Variants in PCDHA4 observed in about 807,000 individuals in gnomAD.
The protein encoded by PCDHA4 is protocadherin alpha-4.
A neutral mutation model predicts 61.4 loss-of-function variants in PCDHA4; 49 were observed. The ratio of observed to expected loss-of-function variants is 0.80; its 90% CI spans 0.63 to 1.01. The LOEUF (loss-of-function observed/expected upper bound fraction) is 1.01. PCDHA4 is among the 50% of genes least tolerant of loss of function. The pLI is 0.00. For synonymous variants in PCDHA4, 590 were observed against 550.3 expected (o/e 1.07, Z -1.01); for missense variants, 1,254 against 1,235.8 (o/e 1.01, Z -0.22).
At chr5:140,879,634 C>T (rs888836313) in intron 1 of PCDHA4, among the ~76,000 whole-genome samples, 2 of 152,306 alleles carry the variant, frequency 1.3e-5, no homozygotes, top group Admixed American at 1.3e-4. Context: ...GTAAGTGTGT[C>T]GCTTCCTGTG....
At chr5:140,909,094 T>C (rs1445563506) in intron 1 of PCDHA4, among the ~76,000 whole-genome samples, 1 of 152,196 alleles carries the variant, frequency 6.6e-6, no homozygotes, top group Admixed American at 6.5e-5. Context: ...TACTTCTCAC[T>C]CACTGGGTCC....
chr5:140,836,849 A>G, intron 1 of PCDHA4: 3 of 822,610 alleles, frequency 3.6e-6, no homozygotes, highest in Non-Finnish European at 3.7e-6. Context: ...ATGTATAATT[A>G]TTATTTTTTA....
At chr5:140,971,466 G>A (rs928383559) in intron 1 of PCDHA4, among the ~76,000 whole-genome samples, 2 of 152,144 alleles carry the variant, frequency 1.3e-5, no homozygotes, top group Non-Finnish European at 2.9e-5. Flanking sequence ...GCAGTTATAG[G>A]GAGAGAGTGT....
rs1262601662 is a variant in PCDHA4, at chr5:141,011,550, A to C, written c.*1613A>C. On this transcript the variant is annotated 3_prime_UTR_variant, in exon 4 of 4. Coordinates refer to ENST00000530339, the MANE Select transcript of PCDHA4 (RefSeq NM_018907.4). ...CATTGTTAATCAGCTTTTGTGTATG[A>C]AAGACACAGTAAAATTTCTTTCTTA... 6 of 153,770 alleles carry C rather than the reference A, an allele frequency of 3.9e-5. No homozygotes were observed. The highest frequency in any genetic ancestry group is 1.4e-4 in the African/African-American group (6 of 41,462). The allele number at this position is 153,770 out of a possible 1,614,324, so 9.5% of individuals were successfully genotyped here. A position where few individuals can be genotyped will look rare whatever the true frequency, so the allele number is the denominator to read the frequency against.
intron 1 of PCDHA4, chr5:140,882,691 C>G (rs201544181): frequency 1.2e-6 from 2 of 1,614,216 alleles, no homozygotes; most frequent in Admixed American, 1.7e-5. Context: ...AACGAATAAT[C>G]ATTGCAGAAT....
chr5:140,835,899 A>G (rs1554135420), intron 1 of PCDHA4: 1 of 1,612,086 alleles, frequency 6.2e-7, no homozygotes, highest in Non-Finnish European at 8.5e-7. Context: ...CGCGCTGTCG[A>G]GCTACGTGTC....
At chr5:140,876,662 T>C in intron 1 of PCDHA4, 1 of 1,614,232 alleles carries the variant, frequency 6.2e-7, no homozygotes, top group Non-Finnish European at 8.5e-7. Flanking sequence ...CCCTTCAAGC[T>C]GGTGTCCACC....
At chr5:140,967,518 A>T (rs1554229639) in intron 1 of PCDHA4, 1 of 1,612,930 alleles carries the variant, frequency 6.2e-7, no homozygotes, top group Non-Finnish European at 8.5e-7. Flanking sequence ...CTGGACACTA[A>T]CGACAACTCT....
intron 1 of PCDHA4, among the ~76,000 whole-genome samples, chr5:140,936,367 A>G (rs1347774517): frequency 2.0e-5 from 3 of 152,348 alleles, no homozygotes; most frequent in East Asian, 1.9e-4. Flanking sequence ...GCTACTGAGC[A>G]CTTGAAATGT....
chr5:140,823,930 G>A (rs2150130478), intron 1 of PCDHA4: 3 of 1,613,968 alleles, frequency 1.9e-6, no homozygotes, highest in Non-Finnish European at 2.5e-6. Context: ...GCTGTACACC[G>A]CGCTGCGGTG....
intron 1 of PCDHA4, chr5:140,816,296 T>C (rs1765877176): frequency 6.6e-6 from 1 of 152,258 alleles, no homozygotes; most frequent in South Asian, 2.1e-4. Context: ...CTGTTGAACA[T>C]GTCTGTAAAA....
intron 1 of PCDHA4, among the ~76,000 whole-genome samples, chr5:140,964,657 G>A (rs2067599): frequency 0.18 from 27,796 of 151,812 alleles, 2,893 homozygotes; most frequent in African/African-American, 0.28. Context: ...TAATGGGTGA[G>A]GACACAGGCC....
At chr5:140,924,105 C>A (rs140580566) in intron 1 of PCDHA4, among the ~76,000 whole-genome samples, 5 of 152,144 alleles carry the variant, frequency 3.3e-5, no homozygotes, top group Admixed American at 2.6e-4. Flanking sequence ...ATTTTCATTC[C>A]AAAGCAGTTA....
chr5:140,872,373 T>C (rs1437548177), intron 1 of PCDHA4, among the ~76,000 whole-genome samples: 3 of 152,182 alleles, frequency 2.0e-5, no homozygotes, highest in African/African-American at 4.8e-5. Flanking sequence ...AGGCCTGTAA[T>C]CCCAGCTATT....
chr5:140,875,932 C>T, intron 1 of PCDHA4: 3 of 1,614,154 alleles, frequency 1.9e-6, no homozygotes, highest in South Asian at 1.1e-5. Flanking sequence ...TCATTTTCCT[C>T]TAGAGGGCGC....
intron 1 of PCDHA4, chr5:140,829,802 G>A (rs1554132256): frequency 5.0e-6 from 8 of 1,613,872 alleles, no homozygotes; most frequent in Non-Finnish European, 5.9e-6. Flanking sequence ...GCCTCGGGTG[G>A]GTGGTACTGG....
intron 1 of PCDHA4, among the ~76,000 whole-genome samples, chr5:140,970,537 GT>G (rs111648801): frequency 0.029 from 4,476 of 152,214 alleles, 218 homozygotes; most frequent in African/African-American, 0.1. Flanking sequence ...ATGTGTGTGT[GT>G]TTGTGTTGTG....
At chr5:140,971,752 A>C (rs1367685618) in intron 1 of PCDHA4, among the ~76,000 whole-genome samples, 2 of 138,248 alleles carry the variant, frequency 1.4e-5, no homozygotes, top group Non-Finnish European at 3.3e-5. Context: ...TATATCTCAT[A>C]TTACTGAATC....
At chr5:140,895,829 C>T (rs2065183021) in intron 1 of PCDHA4, among the ~76,000 whole-genome samples, 1 of 151,878 alleles carries the variant, frequency 6.6e-6, no homozygotes, top group African/African-American at 2.4e-5. Context: ...GTATTTTTTT[C>T]AGACAAAGTC....
Sources: gnomAD v4.1 joint callset for allele counts (sites outside exome capture counted in the v4.1 genomes callset) on GRCh38, gnomAD v4.1.1 for gene constraint, MANE v1.5 for transcripts, NCBI Gene and HGNC (gene_info 2026-07-23, HGNC 2026-07-21) for gene names.